PTPRD: variants seen among roughly 807,000 people sequenced by gnomAD.
PTPRD encodes protein tyrosine phosphatase receptor type D, also known as receptor-type tyrosine-protein phosphatase delta.
PTPRD carries 34 observed loss-of-function variants against 214.5 expected under a neutral mutation model. That is an observed-to-expected ratio of 0.16 (90% CI 0.12 to 0.21). The LOEUF (loss-of-function observed/expected upper bound fraction) is 0.21, where lower values mean the gene tolerates loss of function less well. PTPRD is among the 10% of genes least tolerant of loss of function. The pLI, the probability that PTPRD is intolerant of heterozygous loss-of-function variation, is 1.00. For synonymous variants in PTPRD, 1,128 were observed against 845.7 expected (o/e 1.33, Z -5.79); for missense variants, 2,545 against 2,398.7 (o/e 1.06, Z -1.27).
chr9:9,078,722 A>G (rs2099754702), intron 10 of PTPRD, among the ~76,000 whole-genome samples: 1 of 152,014 alleles, frequency 6.6e-6, no homozygotes, highest in South Asian at 2.1e-4. Context: ...ACTATCAGCA[A>G]TATGGTTGCA....
At chr9:9,804,253 T>C (rs915158034) in intron 5 of PTPRD, among the ~76,000 whole-genome samples, 2 of 152,080 alleles carry the variant, frequency 1.3e-5, no homozygotes, top group African/African-American at 4.8e-5. Flanking sequence ...AAGATAATTA[T>C]ATAATCATGC....
intron 35 of PTPRD, among the ~76,000 whole-genome samples, chr9:8,423,164 G>C (rs1338603092): frequency 6.6e-6 from 1 of 152,120 alleles, no homozygotes; most frequent in Admixed American, 6.6e-5. Flanking sequence ...CAGCAAGAGA[G>C]AAAGAATCTA....
intron 11 of PTPRD, among the ~76,000 whole-genome samples, chr9:8,762,020 G>A (rs1041073791): frequency 1.3e-5 from 2 of 152,048 alleles, no homozygotes; most frequent in Admixed American, 6.6e-5. Context: ...TATACCTACT[G>A]GTGGGAAAAG....
chr9:9,225,016 A>G (rs989929149), intron 9 of PTPRD, among the ~76,000 whole-genome samples: 2 of 152,038 alleles, frequency 1.3e-5, no homozygotes, highest in Non-Finnish European at 2.9e-5. Context: ...AAACTCATTT[A>G]TACACGTATA....
intron 11 of PTPRD, among the ~76,000 whole-genome samples, chr9:8,889,304 T>A (rs187535202): frequency 6.6e-6 from 1 of 152,226 alleles, no homozygotes; most frequent in East Asian, 1.9e-4. Flanking sequence ...AGAAATTGCG[T>A]AATATGTATG....
At chr9:9,419,164 C>CACAA (rs1166986294) in intron 8 of PTPRD, among the ~76,000 whole-genome samples, 7 of 150,330 alleles carry the variant, frequency 4.7e-5, no homozygotes, top group South Asian at 2.1e-4. Context: ...CACACACACA[C>CACAA]AAGCATGATA....
intron 8 of PTPRD, among the ~76,000 whole-genome samples, chr9:9,516,848 T>A (rs995085002): frequency 1.3e-5 from 2 of 152,116 alleles, no homozygotes; most frequent in African/African-American, 4.8e-5. Context: ...TTTAGGCTTC[T>A]GGAAGTTAAA....
At chr9:9,949,265 T>C (rs1008897374) in intron 4 of PTPRD, among the ~76,000 whole-genome samples, 22 of 152,256 alleles carry the variant, frequency 1.4e-4, no homozygotes, top group African/African-American at 4.3e-4. Flanking sequence ...TTTTAGAGAT[T>C]TTAAAAATTG....
intron 11 of PTPRD, among the ~76,000 whole-genome samples, chr9:8,874,882 C>G (rs896667306): frequency 6.6e-6 from 1 of 152,222 alleles, no homozygotes; most frequent in East Asian, 1.9e-4. Context: ...TTTATTCTGA[C>G]CTAAGTTGGT....
intron 11 of PTPRD, among the ~76,000 whole-genome samples, chr9:8,776,802 TTATA>T (rs1340683679): frequency 6.8e-6 from 1 of 147,492 alleles, no homozygotes; most frequent in Admixed American, 6.8e-5. Context: ...TATATATATA[TTATA>T]TATGTATAAT....
intron 12 of PTPRD, among the ~76,000 whole-genome samples, chr9:8,638,036 C>G (rs1335301237): frequency 7.9e-5 from 12 of 151,368 alleles, no homozygotes; most frequent in Admixed American, 7.2e-4. Flanking sequence ...TTTACACTTC[C>G]TTGAGTTTTT....
chr9:8,640,181 A>C (rs1445162237), intron 12 of PTPRD, among the ~76,000 whole-genome samples: 3 of 152,124 alleles, frequency 2.0e-5, no homozygotes, highest in Admixed American at 6.6e-5. Flanking sequence ...CTCCCGCCTC[A>C]GCCTTACAAA....
intron 3 of PTPRD, among the ~76,000 whole-genome samples, chr9:10,262,694 G>T (rs981832357): frequency 6.6e-6 from 1 of 152,126 alleles, no homozygotes; most frequent in Non-Finnish European, 1.5e-5. Context: ...ACCTCTCTGG[G>T]ACTTATTTTT....
At chr9:8,929,004 A>G (rs879038615) in intron 11 of PTPRD, among the ~76,000 whole-genome samples, 1 of 152,158 alleles carries the variant, frequency 6.6e-6, no homozygotes, top group Non-Finnish European at 1.5e-5. Context: ...TTATTGGTGT[A>G]TAGGAATGCC....
intron 11 of PTPRD, among the ~76,000 whole-genome samples, chr9:8,911,408 G>A (rs980623752): frequency 1.6e-5 from 2 of 127,380 alleles, no homozygotes; most frequent in African/African-American, 6.4e-5. Flanking sequence ...CTGTGTGTGT[G>A]TGTGTGTTGT....
At position 10,111,229 on chromosome 9, in the gene PTPRD, CTTTTTTTTTTTTTTTT is replaced by C. The variant is rs34045121; in HGVS notation, c.-544-77455_-544-77440del. 1.2e-4 allele frequency among the ~76,000 whole-genome samples: 9 copies of C among 72,194 alleles called. No individual in the cohort carries two copies. The East Asian group carries it at 2.7e-3, about 22-fold the overall frequency. 47.4% of individuals were successfully genotyped at this position (72,194 alleles called of 152,430 possible). A position where few individuals can be genotyped will look rare whatever the true frequency, so the allele number is the denominator to read the frequency against. ...AATCTGTGTGCTTCCAGTTTAGTTT[CTTTTTTTTTTTTTTTT>C]TTTTTTTTTTTGAGACGGAGTCTCG... On this transcript the variant is annotated intron_variant, in intron 3 of 45. Coordinates refer to ENST00000381196, the MANE Select transcript of PTPRD (RefSeq NM_002839.4).
At position 9,211,525 on chromosome 9, in the gene PTPRD, A is replaced by G. The variant is rs907299128; in HGVS notation, c.-202-28162T>C. Among the ~76,000 whole-genome samples the G allele has an allele frequency of 2.2e-3, 162 of 72,232 alleles. 4 individuals carry two copies. The highest frequency in any genetic ancestry group is 5.2e-3 in the African/African-American group (152 of 29,314). The allele number at this position is 72,232 out of a possible 152,430, so 47.4% of individuals were successfully genotyped here. ...CCCCAGTGTGCGCACGCACACACAC[A>G]CACACACACACACACACACACACAC... On this transcript the variant is annotated intron_variant, in intron 9 of 45. Transcript: ENST00000381196.
At chr9:8,463,333 A>AC (rs1361600557) in intron 32 of PTPRD, among the ~76,000 whole-genome samples, 23 of 148,814 alleles carry the variant, frequency 1.5e-4, no homozygotes, top group South Asian at 4.2e-4. Context: ...AAAAAAAAAA[A>AC]AGATGTGTAT....
intron 9 of PTPRD, among the ~76,000 whole-genome samples, chr9:9,343,615 T>A (rs1290337322): frequency 6.6e-6 from 1 of 152,164 alleles, no homozygotes; most frequent in East Asian, 1.9e-4. Context: ...GAAGGTAGCA[T>A]TGGAGAAACT....
Sources: gnomAD v4.1 joint callset for allele counts (sites outside exome capture counted in the v4.1 genomes callset) on GRCh38, gnomAD v4.1.1 for gene constraint, MANE v1.5 for transcripts, NCBI Gene and HGNC (gene_info 2026-07-23, HGNC 2026-07-21) for gene names.